The following TP73 variants were observed in gnomAD, a reference collection of about 807,000 sequenced individuals.
TP73 encodes p53-like transcription factor.
Under a neutral mutation model 62.5 loss-of-function variants are expected in TP73, and 25 were observed. The observed-to-expected ratio is 0.40, with a 90% CI of 0.29 to 0.56. The LOEUF (loss-of-function observed/expected upper bound fraction) is 0.56. TP73 is among the 20% of genes least tolerant of loss of function. The probability of loss-of-function intolerance (pLI) is 0.46; values close to 1 mark genes in which losing one functional copy is unlikely to be tolerated. For missense variants in TP73, 754 were observed against 913.3 expected (o/e 0.83, Z 2.25); for synonymous variants, 423 against 377.5 (o/e 1.12, Z -1.40).
chr1:3,703,512 A>G (rs1238786130), intron 3 of TP73, among the ~76,000 whole-genome samples: 1 of 152,158 alleles, frequency 6.6e-6, no homozygotes, highest in African/African-American at 2.4e-5. Context: ...CGCCTGCCGC[A>G]AGGGCCTGGC....
At chr1:3,678,586 C>T (rs541407877) in intron 1 of TP73, among the ~76,000 whole-genome samples, 10 of 152,368 alleles carry the variant, frequency 6.6e-5, no homozygotes, top group East Asian at 3.9e-4. Flanking sequence ...CAAGTTCCTC[C>T]GTGTGCTTTA....
intron 6 of TP73, among the ~76,000 whole-genome samples, chr1:3,724,802 T>C (rs755556316): frequency 1.3e-5 from 2 of 152,194 alleles, no homozygotes; most frequent in Non-Finnish European, 2.9e-5. Context: ...GTGGATCACT[T>C]GAGGTTAGGA....
chr1:3,731,741 T>C (rs1570655655), intron 13 of TP73, among the ~76,000 whole-genome samples, 185 bp downstream of exon 13: 1 of 152,214 alleles, frequency 6.6e-6, no homozygotes, highest in African/African-American at 2.4e-5. Flanking sequence ...ACGTGGCTGG[T>C]GGCGCGGGAC....
intron 1 of TP73, among the ~76,000 whole-genome samples, chr1:3,655,378 C>T (rs1195467367): frequency 2.0e-5 from 3 of 152,196 alleles, no homozygotes; most frequent in Admixed American, 6.5e-5. Context: ...CAGAGCGAGA[C>T]TCTGTCTCAA....
chr1:3,679,831 C>T (rs1645476132), intron 1 of TP73, among the ~76,000 whole-genome samples: 1 of 99,346 alleles, frequency 1.0e-5, no homozygotes, highest in African/African-American at 3.5e-5. Context: ...CTCTGTCTCT[C>T]TTTGTCCTTG....
At position 3,735,147 on chromosome 1, in the gene TP73, C is replaced by G. The variant is rs757773757; in HGVS notation, c.*2068C>G. On this transcript the variant is annotated 3_prime_UTR_variant, in exon 14 of 14. Coordinates refer to ENST00000378295, the MANE Select transcript of TP73 (RefSeq NM_005427.4). ...AAGACCCATGCCCCAGGCACCACAC[C>G]CATCTCTTGGGGGCTGGGCACCTGC... 6.6e-6 allele frequency: 1 copy of G among 152,272 alleles called. No homozygotes were observed. The highest frequency in any genetic ancestry group is 1.5e-5 in the Non-Finnish European group (1 of 68,114). 9.4% of individuals were successfully genotyped at this position (152,272 alleles called of 1,614,324 possible).
intron 1 of TP73, among the ~76,000 whole-genome samples, chr1:3,659,751 G>A (rs1644950297): frequency 6.6e-6 from 1 of 151,966 alleles, no homozygotes; most frequent in South Asian, 2.1e-4. Flanking sequence ...GCATCATCTC[G>A]ACTCACTGCA....
intron 4 of TP73, chr1:3,714,206 C>G (rs954412228): frequency 6.6e-6 from 1 of 152,300 alleles, no homozygotes; most frequent in Non-Finnish European, 1.5e-5. Flanking sequence ...TGAAGAGGGA[C>G]CACCCCACCA....
At chr1:3,656,493 AT>A (rs1490788281) in intron 1 of TP73, among the ~76,000 whole-genome samples, 2 of 152,140 alleles carry the variant, frequency 1.3e-5, no homozygotes, top group African/African-American at 4.8e-5. Context: ...AAAAGTTTAC[AT>A]TTTTTTCCCT....
rs12044758 is a variant in TP73 at position 3,653,909 on chromosome 1, G to A, written c.-34+1268G>A. ...AAGTTGGCTGGGCACGGTAGCTCAC[G>A]CCTGTCATCCCTCACAGCCTTTGGG... On this transcript the variant is annotated intron_variant, in intron 1 of 13. Transcript: ENST00000378295. Among the ~76,000 whole-genome samples, 912 of 152,298 alleles carry A rather than the reference G, an allele frequency of 6.0e-3. 7 individuals are homozygous for A. The highest frequency in any genetic ancestry group is 0.018 in the African/African-American group (758 of 41,568).
intron 1 of TP73, among the ~76,000 whole-genome samples, chr1:3,679,845 C>T (rs1456449894): frequency 1.0e-5 from 1 of 95,292 alleles, no homozygotes; most frequent in South Asian, 4.0e-4. Context: ...GTCCTTGTAT[C>T]TCTCTGTCTC....
At chr1:3,707,409 T>C in intron 3 of TP73, 140 bp from the exon 4 acceptor site, 1 of 1,231,186 alleles carries the variant, frequency 8.1e-7, no homozygotes, top group Non-Finnish European at 1.1e-6. Context: ...CCTGTTGGGA[T>C]GGGGGAGAGA....
At chr1:3,675,674 C>T (rs986663307) in intron 1 of TP73, among the ~76,000 whole-genome samples, 9 of 152,152 alleles carry the variant, frequency 5.9e-5, no homozygotes, top group East Asian at 1.9e-4. Context: ...AGCAGCCCTG[C>T]GGCCAGGGCC....
intron 1 of TP73, among the ~76,000 whole-genome samples, chr1:3,669,309 A>G (rs2102040055): frequency 6.6e-6 from 1 of 152,300 alleles, no homozygotes; most frequent in South Asian, 2.1e-4. Context: ...TTGGAAATGC[A>G]GTACTGTTCA....
chr1:3,669,017 C>T (rs1426596558), intron 1 of TP73, among the ~76,000 whole-genome samples: 1 of 152,240 alleles, frequency 6.6e-6, no homozygotes, highest in African/African-American at 2.4e-5. Context: ...AGCTCCAGGC[C>T]GGCCACGCTG....
chr1:3,723,696 T>C (rs892859788), intron 6 of TP73, among the ~76,000 whole-genome samples: 1 of 152,182 alleles, frequency 6.6e-6, no homozygotes, highest in Non-Finnish European at 1.5e-5. Context: ...CACATCCGCC[T>C]CGGGCACTCT....
intron 1 of TP73, among the ~76,000 whole-genome samples, chr1:3,665,893 G>A (rs996950359): frequency 1.4e-5 from 2 of 143,242 alleles, no homozygotes; most frequent in Non-Finnish European, 3.0e-5. Context: ...CCAGCACTTT[G>A]GGAGGCCAAG....
rs113155096 is a variant in TP73 at position 3,664,042 on chromosome 1, G to C, written c.-34+11401G>C. ...ACTGCTGTATCCCCACTGTGAGCTC[G>C]ATCTGAGCTGCCTATGGGACCACAC... On this transcript the variant is annotated intron_variant, in intron 1 of 13. Transcript: ENST00000378295. 4.6e-5 allele frequency among the ~76,000 whole-genome samples: 7 copies of C among 152,182 alleles called. No homozygotes were observed. In the East Asian group the frequency reaches 1.2e-3, roughly 25 times the overall value.
At chr1:3,695,124 C>G (rs1048791777) in intron 3 of TP73, among the ~76,000 whole-genome samples, 1 of 152,232 alleles carries the variant, frequency 6.6e-6, no homozygotes, top group Non-Finnish European at 1.5e-5. Flanking sequence ...TGATCAATGC[C>G]CAACCCCGAG....
Sources: gnomAD v4.1 joint callset for allele counts (sites outside exome capture counted in the v4.1 genomes callset) on GRCh38, gnomAD v4.1.1 for gene constraint, MANE v1.5 for transcripts, NCBI Gene and HGNC (gene_info 2026-07-23, HGNC 2026-07-21) for gene names.